DOCK5: variants seen among roughly 807,000 people sequenced by gnomAD.
DOCK5 encodes the protein dedicator of cytokinesis protein 5.
DOCK5 carries 142 observed loss-of-function variants against 251.8 expected under a neutral mutation model. The ratio of observed to expected loss-of-function variants is 0.56; its 90% CI spans 0.49 to 0.65. The LOEUF is 0.65. Ranked by LOEUF, DOCK5 falls within the 30% of genes least tolerant of loss-of-function variation. DOCK5 has a pLI of 0.00. For synonymous variants in DOCK5, 842 were observed against 835.5 expected (o/e 1.01, Z -0.13); for missense variants, 2,111 against 2,312.3 (o/e 0.91, Z 1.79).
chr8:25,321,185 G>A, intron 16 of DOCK5, 133 bp downstream of exon 16: 1 of 735,926 alleles, frequency 1.4e-6, no homozygotes, highest in South Asian at 1.7e-5. Flanking sequence ...TAACTCACTG[G>A]TGCTAAGGAA....
At position 25,292,026 on chromosome 8, in the gene DOCK5, C is replaced by G. The variant is rs370654947; in HGVS notation, c.324C>G (p.Asn108Lys). The change falls in exon 6 of 52, where the codon AAC (asparagine) becomes AAG (lysine). Residue 108 changes from asparagine to lysine, a missense_variant and splice_region_variant. Physicochemically the swap from Asn to Lys is moderately conservative, Grantham distance 94. Transcript: ENST00000276440. Reference sequence around the variant, plus strand: ...TTCATCATATTTTCTCATCTTAGAACAACAAGCTCACCCTCTTCCGCCAGC... The same window carrying G: ...TTCATCATATTTTCTCATCTTAGAAGAACAAGCTCACCCTCTTCCGCCAGC... ...WAVIWRKLYV[N>K]NKLTLFRQLQ... 1.2e-5 allele frequency: 19 copies of G among 1,586,390 alleles called. No individual in the cohort carries two copies. In the African/African-American group the frequency reaches 2.6e-4, roughly 21 times the overall value.
intron 43 of DOCK5, 128 bp from the exon 44 acceptor site, chr8:25,392,668 G>A: frequency 1.2e-6 from 1 of 802,020 alleles, no homozygotes; most frequent in East Asian, 2.7e-5. Context: ...TCTCTACGAG[G>A]CATTTGAGAA....
chr8:25,395,532 C>A lies in DOCK5; in HGVS notation c.4528-11C>A. The A allele has an allele frequency of 6.2e-7, 1 of 1,601,782 alleles. No homozygotes were observed. ...AAGTGTCCTCTTTCTCCCATGTGCT[C>A]TGTCACTCAGGAAGAGATCAGTCCT... On this transcript the variant is annotated splice_polypyrimidine_tract_variant and intron_variant, in intron 44 of 51. Coordinates refer to ENST00000276440, the MANE Select transcript of DOCK5 (RefSeq NM_024940.8).
chr8:25,218,823 T>TA (rs1013126297), intron 1 of DOCK5, among the ~76,000 whole-genome samples: 2 of 152,140 alleles, frequency 1.3e-5, no homozygotes, highest in Admixed American at 6.5e-5. Context: ...GAAGAGAGCT[T>TA]AGGTGGCAGG....
At chr8:25,206,319 A>G (rs922584450) in intron 1 of DOCK5, among the ~76,000 whole-genome samples, 1 of 152,270 alleles carries the variant, frequency 6.6e-6, no homozygotes, top group African/African-American at 2.4e-5. Context: ...TTCCTCTTTA[A>G]CCATTCATGC....
chr8:25,259,018 C>T (rs1012105751), intron 2 of DOCK5, among the ~76,000 whole-genome samples: 3 of 152,128 alleles, frequency 2.0e-5, no homozygotes, highest in African/African-American at 4.8e-5. Context: ...ACTCAGGATG[C>T]TGAGGCAGGA....
intron 1 of DOCK5, among the ~76,000 whole-genome samples, chr8:25,222,367 A>G (rs910043552): frequency 3.3e-5 from 5 of 152,164 alleles, no homozygotes; most frequent in African/African-American, 1.2e-4. Context: ...AATATAATTC[A>G]GTGGGTCATA....
chr8:25,366,963 G>A lies in DOCK5; in HGVS notation c.3217G>A (p.Val1073Ile), dbSNP rs756265768. 35 of 1,613,342 alleles carry A rather than the reference G, an allele frequency of 2.2e-5. No homozygotes were observed. Residue 1073 changes from valine to isoleucine, a missense_variant, in exon 31 of 52, where the codon GTT (valine) becomes ATT (isoleucine). By Grantham distance (29) the Val-to-Ile change is conservative. Around this residue, in one of 3 missense-constraint regions of DOCK5, gnomAD observed 1,717 missense variants for 1,892.4 expected, o/e 0.91. Coordinates refer to ENST00000276440, the MANE Select transcript of DOCK5 (RefSeq NM_024940.8). ...CTCACAAGCCAAGCGCAACAAAATTGTTAAAAAGTAAGTGTCCTTTTAAAG... is the reference window on the plus strand; with the variant it reads ...CTCACAAGCCAAGCGCAACAAAATTATTAAAAAGTAAGTGTCCTTTTAAAG... ...TFSQAKRNKI[V>I]KKYGDMRKEI...
rs534451566 is a variant in DOCK5, at chr8:25,335,896, A to G, written c.2193-343A>G. ...TGTAGGCAGGCATAATCCCTCATTT[A>G]TGGGAGCATCTGAAGATGTCAGAAT... On this transcript the variant is annotated intron_variant, in intron 21 of 51. Transcript: ENST00000276440. 3.3e-5 allele frequency among the ~76,000 whole-genome samples: 5 copies of G among 152,338 alleles called. No individual in the cohort carries two copies. In the East Asian group the frequency reaches 9.7e-4, roughly 29 times the overall value.
Position 25,317,045 on chromosome 8 carries a change from G to A in DOCK5, c.1357G>A (p.Gly453Ser), listed in dbSNP as rs779651246. 1.4e-5 allele frequency: 23 copies of A among 1,613,784 alleles called. No homozygotes were observed. In the Middle Eastern group the frequency reaches 1.8e-3, roughly 127 times the overall value. Residue 453 changes from glycine to serine, a missense_variant, in exon 14 of 52, where the codon GGT (glycine) becomes AGT (serine). Around this residue, in one of 3 missense-constraint regions of DOCK5, gnomAD observed 1,717 missense variants for 1,892.4 expected, o/e 0.91. Coordinates refer to ENST00000276440, the MANE Select transcript of DOCK5 (RefSeq NM_024940.8). ...RNDIYVTLIH[G>S]EFDKGKKKTP... ...TGACATTTATGTCACCCTGATCCAC[G>A]GTGAGTTTGACAAAGGGAAGAAGAA...
At chr8:25,264,417 T>G (rs979113030) in intron 2 of DOCK5, among the ~76,000 whole-genome samples, 6 of 151,594 alleles carry the variant, frequency 4.0e-5, no homozygotes, top group Non-Finnish European at 5.9e-5. Flanking sequence ...TATCCTACAT[T>G]TTTTTCATCT....
chr8:25,324,272 A>G (rs140248606), intron 17 of DOCK5, among the ~76,000 whole-genome samples: 1 of 152,222 alleles, frequency 6.6e-6, no homozygotes, highest in East Asian at 1.9e-4. Flanking sequence ...TGCTCTTTTC[A>G]TCATCCTGCA....
At chr8:25,219,672 C>T (rs1257776541) in intron 1 of DOCK5, among the ~76,000 whole-genome samples, 2 of 151,628 alleles carry the variant, frequency 1.3e-5, no homozygotes, top group Non-Finnish European at 2.9e-5. Flanking sequence ...GGGAATAATG[C>T]ATATGTAGTA....
chr8:25,212,783 A>G lies in DOCK5; in HGVS notation c.43+27832A>G, dbSNP rs1479878985. ...CAGCAAGGGAGGTCTGTGTCAGGCC[A>G]GCGTGATTCTAGATGGGGCTGACAC... On this transcript the variant is annotated intron_variant, in intron 1 of 51. Coordinates refer to ENST00000276440, the MANE Select transcript of DOCK5 (RefSeq NM_024940.8). Among the ~76,000 whole-genome samples, 2 of 69,386 alleles carry G rather than the reference A, an allele frequency of 2.9e-5. 1 individual carries two copies. The highest frequency in any genetic ancestry group is 9.4e-5 in the Non-Finnish European group (2 of 21,366). The allele number at this position is 69,386 out of a possible 152,430, so 45.5% of individuals were successfully genotyped here. A position where few individuals can be genotyped will look rare whatever the true frequency, so the allele number is the denominator to read the frequency against.
Position 25,403,583 on chromosome 8 carries a change from A to G in DOCK5, c.4952A>G (p.Gln1651Arg). 1.9e-6 allele frequency: 3 copies of G among 1,613,882 alleles called. No individual in the cohort carries two copies. The highest frequency in any genetic ancestry group is 2.5e-6 in the Non-Finnish European group (3 of 1,179,852). ...CCACCCAACTTGACGGAGAGGAAGCAAAGCCGCACGGGGTCTATTGTGCTC... is the reference window on the plus strand; with the variant it reads ...CCACCCAACTTGACGGAGAGGAAGCGAAGCCGCACGGGGTCTATTGTGCTC... ...TLPPNLTERK[Q>R]SRTGSIVLPY... is the part of the protein sequence containing the mutation. Residue 1651 changes from glutamine to arginine, a missense_variant, in exon 48 of 52, where the codon CAA becomes CGA. Coordinates refer to ENST00000276440, the MANE Select transcript of DOCK5 (RefSeq NM_024940.8).
intron 6 of DOCK5, 55 bp from the exon 7 acceptor site, chr8:25,296,457 CA>C: frequency 6.4e-7 from 1 of 1,569,990 alleles, no homozygotes; most frequent in Non-Finnish European, 8.6e-7. Context: ...AAGGACTCCT[CA>C]GTAAAAAGTC....
chr8:25,351,604 G>T, intron 26 of DOCK5, 127 bp from the exon 27 acceptor site: 1 of 642,364 alleles, frequency 1.6e-6, no homozygotes. Flanking sequence ...TCCACTTTTG[G>T]ACAAGAGATT....
Position 25,408,102 on chromosome 8 carries a change from G to A in DOCK5, c.5213G>A (p.Ser1738Asn). The A allele has an allele frequency of 6.3e-7, 1 of 1,599,636 alleles. No homozygotes were observed. The highest frequency in any genetic ancestry group is 8.5e-7 in the Non-Finnish European group (1 of 1,173,062). ...AGCAAGTTTAAGAGAAAAGACTGGA[G>A]TCTGAGCAAGTCCCAGGTCATTGCA... Reference protein sequence around the residue: ...RISKFKRKDWSLSKSQVIAEK... With the variant: ...RISKFKRKDWNLSKSQVIAEK... The change falls in exon 49 of 52, where the codon AGT (serine) becomes AAT (asparagine). Residue 1738 changes from serine to asparagine, a missense_variant. Ser to Asn is a conservative substitution (Grantham distance 46, BLOSUM62 1). Transcript: ENST00000276440.
Position 25,345,584 on chromosome 8 carries a change from C to T in DOCK5, c.2727C>T (p.Ile909=). 6.2e-7 allele frequency: 1 copy of T among 1,613,824 alleles called. No homozygotes were observed. The highest frequency in any genetic ancestry group is 8.5e-7 in the Non-Finnish European group (1 of 1,179,818). ...HEASSQLLSN[I]LEVLDRKDVG... is the part of the protein sequence containing the mutation. The stretch of plus-strand genomic sequence containing the variant: ...CAAGCTCGCAGCTTCTGAGCAACAT[C>T]CTGGAGGTGCTGGACAGGAAGGATG... The change falls in exon 26 of 52, where the codon ATC becomes ATT. Residue 909 remains isoleucine (I), a synonymous_variant. Coordinates refer to ENST00000276440, the MANE Select transcript of DOCK5 (RefSeq NM_024940.8).
Sources: allele counts gnomAD v4.1 joint callset (sites outside exome capture counted in the v4.1 genomes callset), GRCh38; gene constraint gnomAD v4.1.1; regional missense constraint gnomAD v4.1.1; transcripts MANE v1.5; gene names NCBI Gene and HGNC (gene_info 2026-07-23, HGNC 2026-07-21).